CACHD1: variants seen among roughly 807,000 people sequenced by gnomAD.
CACHD1 encodes cache domain containing 1.
Under a neutral mutation model 138.7 loss-of-function variants are expected in CACHD1, and 71 were observed. The ratio of observed to expected loss-of-function variants is 0.51; its 90% CI spans 0.42 to 0.62. CACHD1 has a LOEUF of 0.62. Among genes scored for constraint, CACHD1 ranks in the 20% least tolerant of loss-of-function variants. The pLI is 0.00. For synonymous variants in CACHD1, 578 were observed against 591.5 expected, an observed-to-expected ratio of 0.98 and a Z score of 0.33; for missense variants, 1,389 against 1,625.3, an observed-to-expected ratio of 0.85 and a Z score of 2.50.
At chr1:64,616,009 G>C (rs369302854) in intron 4 of CACHD1, among the ~76,000 whole-genome samples, 5 of 152,122 alleles carry the variant, frequency 3.3e-5, no homozygotes, top group Non-Finnish European at 7.4e-5. Context: ...TGGTATTGAC[G>C]TGGCTTAACA....
At position 64,618,391 on chromosome 1, in the gene CACHD1, C is replaced by G. The variant is rs145724168; in HGVS notation, c.518-10964C>G. Among the ~76,000 whole-genome samples, 877 of 152,248 alleles carry G rather than the reference C, an allele frequency of 5.8e-3. 7 individuals carry two copies. Among genetic ancestry groups the G allele is most frequent in the Non-Finnish European group, 0.01 (699 of 68,014 alleles). On this transcript the variant is annotated intron_variant, in intron 4 of 26. Transcript: ENST00000651257. ...AGTGTGGTCCCAGGTACTCCTTCTT[C>G]CAGGCTAACTACACTTCCTTCCATT... is the stretch of plus-strand genomic sequence containing the variant.
intron 3 of CACHD1, among the ~76,000 whole-genome samples, chr1:64,589,446 G>A (rs1379133432): frequency 2.6e-5 from 4 of 151,942 alleles, no homozygotes; most frequent in Non-Finnish European, 5.9e-5. Context: ...TGTTAGATAG[G>A]GTCCTCCAAA....
chr1:64,519,406 T>C (rs1186245274), intron 1 of CACHD1, among the ~76,000 whole-genome samples: 1 of 152,190 alleles, frequency 6.6e-6, no homozygotes, highest in African/African-American at 2.4e-5. Flanking sequence ...AGGAGTACCA[T>C]AGAAAAATTA....
chr1:64,675,961 A>G lies in CACHD1; in HGVS notation c.2953A>G (p.Asn985Asp), dbSNP rs762820885. Residue 985 changes from asparagine to aspartate, a missense_variant, in exon 21 of 27, where the codon AAC (asparagine) becomes GAC (aspartate). Transcript: ENST00000651257. Reference sequence around the variant, plus strand: ...TCTAGAGGTCAATGAGTGCACTGGCAACCTCACCAATGCAGAGAACCGGTA... The same window carrying G: ...TCTAGAGGTCAATGAGTGCACTGGCGACCTCACCAATGCAGAGAACCGGTA... ...CPLEVNECTG[N>D]LTNAENRNPS... The G allele has an allele frequency of 2.1e-6, 3 of 1,427,590 alleles. No individual in the cohort carries two copies. The highest frequency in any genetic ancestry group is 1.9e-6 in the Non-Finnish European group (2 of 1,072,452). The allele number at this position is 1,427,590 out of a possible 1,614,324, so 88.4% of individuals were successfully genotyped here.
chr1:64,556,926 G>A (rs1279243192), intron 2 of CACHD1, among the ~76,000 whole-genome samples: 2 of 152,100 alleles, frequency 1.3e-5, no homozygotes, highest in African/African-American at 4.8e-5. Flanking sequence ...AGACCATCCT[G>A]GCTAACACGG....
At chr1:64,663,588 ATT>A in intron 13 of CACHD1, 105 bp from the exon 14 acceptor site, 5 of 1,355,072 alleles carry the variant, frequency 3.7e-6, no homozygotes, top group Non-Finnish European at 4.0e-6. Context: ...AAAAAAAGAC[ATT>A]AAGCCACCAT....
chr1:64,553,921 G>A (rs993783815), intron 2 of CACHD1, among the ~76,000 whole-genome samples: 1 of 152,168 alleles, frequency 6.6e-6, no homozygotes, highest in Non-Finnish European at 1.5e-5. Flanking sequence ...AAGCACCCAT[G>A]TTGACATCTG....
chr1:64,601,609 A>G (rs750598744), intron 3 of CACHD1, among the ~76,000 whole-genome samples: 15 of 152,252 alleles, frequency 9.9e-5, no homozygotes, highest in Non-Finnish European at 1.9e-4. Context: ...CCAACATACC[A>G]TGTGAAAACC....
chr1:64,599,591 A>G (rs1016114280), intron 3 of CACHD1, among the ~76,000 whole-genome samples: 1 of 152,226 alleles, frequency 6.6e-6, no homozygotes, highest in Admixed American at 6.5e-5. Flanking sequence ...ATTGTTGACA[A>G]GTACCACATG....
At chr1:64,648,819 T>TAAA (rs1240058159) in intron 9 of CACHD1, among the ~76,000 whole-genome samples, 26 of 152,292 alleles carry the variant, frequency 1.7e-4, no homozygotes, top group African/African-American at 6.0e-4. Context: ...AAATACAACA[T>TAAA]TTTCCTCAAG....
chr1:64,564,858 C>T (rs1374784255), intron 2 of CACHD1, among the ~76,000 whole-genome samples: 1 of 152,018 alleles, frequency 6.6e-6, no homozygotes, highest in Non-Finnish European at 1.5e-5. Context: ...CAAACACTTT[C>T]CACTATAAGA....
chr1:64,579,096 C>G (rs1289717817), intron 2 of CACHD1, among the ~76,000 whole-genome samples: 1 of 152,194 alleles, frequency 6.6e-6, no homozygotes, highest in African/African-American at 2.4e-5. Context: ...CTTGCAGCTA[C>G]TTAATCTGCC....
rs116108828 is a variant in CACHD1, at chr1:64,568,601, C to G, written c.262-13555C>G. Among the ~76,000 whole-genome samples the G allele has an allele frequency of 3.6e-3, 549 of 152,266 alleles. 2 individuals carry two copies. Among genetic ancestry groups the G allele is most frequent in the African/African-American group, 0.013 (532 of 41,540 alleles). On this transcript the variant is annotated intron_variant, in intron 2 of 26. Transcript: ENST00000651257. ...TTTAAGGAAAACATACATGTAACCT[C>G]TGTTCTGTATTCTTATATATATATT...
intron 22 of CACHD1, 62 bp downstream of exon 22, chr1:64,677,073 G>A (rs977928023): frequency 2.9e-5 from 38 of 1,320,270 alleles, no homozygotes; most frequent in Non-Finnish European, 3.3e-5. Flanking sequence ...CCTACTCTTC[G>A]TGTTTTAAAA....
chr1:64,621,968 A>G (rs962027759), intron 4 of CACHD1, among the ~76,000 whole-genome samples: 17 of 152,364 alleles, frequency 1.1e-4, no homozygotes, highest in African/African-American at 3.8e-4. Context: ...ACAGCTTGCC[A>G]GTCTTAAGAG....
intron 3 of CACHD1, among the ~76,000 whole-genome samples, chr1:64,597,524 G>GT (rs34162933): frequency 0.045 from 3,594 of 80,306 alleles, 395 homozygotes; most frequent in African/African-American, 0.14. Context: ...TTTTTTTGTT[G>GT]TTTTTTTTTT....
intron 26 of CACHD1, among the ~76,000 whole-genome samples, chr1:64,683,181 T>G (rs550785560): frequency 6.6e-6 from 1 of 152,342 alleles, no homozygotes; most frequent in South Asian, 2.1e-4. Flanking sequence ...AGCTCTGTTT[T>G]ATAAATTGGA....
intron 7 of CACHD1, among the ~76,000 whole-genome samples, chr1:64,640,827 T>C (rs984568166): frequency 6.6e-6 from 1 of 151,986 alleles, no homozygotes; most frequent in African/African-American, 2.4e-5. Context: ...CTGACTTCCC[T>C]CTTTTTATTG....
At chr1:64,485,119 C>T (rs1485625095) in intron 1 of CACHD1, among the ~76,000 whole-genome samples, 1 of 152,224 alleles carries the variant, frequency 6.6e-6, no homozygotes, top group Admixed American at 6.5e-5. Context: ...TCTTCCCCTC[C>T]TTACCAATAC....
Sources: allele counts gnomAD v4.1 joint callset (sites outside exome capture counted in the v4.1 genomes callset), GRCh38; gene constraint gnomAD v4.1.1; transcripts MANE v1.5; gene names NCBI Gene and HGNC (gene_info 2026-07-23, HGNC 2026-07-21).